Variants in ATXN7L2 observed in about 807,000 individuals in gnomAD.
ATXN7L2 encodes ataxin-7-like protein 2.
ATXN7L2 carries 17 observed loss-of-function variants against 59.6 expected under a neutral mutation model. The ratio of observed to expected loss-of-function variants is 0.29; its 90% confidence interval spans 0.20 to 0.43. The LOEUF (loss-of-function observed/expected upper bound fraction) is 0.43. ATXN7L2 is among the 20% of genes least tolerant of loss of function. The probability of loss-of-function intolerance (pLI) is 1.00; values close to 1 mark genes in which losing one functional copy is unlikely to be tolerated. For synonymous variants in ATXN7L2, 378 were observed against 392.5 expected (o/e 0.96, Z 0.44); for missense variants, 858 against 1,008.9 (o/e 0.85, Z 2.03).
chr1:109,489,834 T>C, intron 7 of ATXN7L2, 96 bp from the exon 8 acceptor site: 2 of 1,336,110 alleles, frequency 1.5e-6, no homozygotes, highest in South Asian at 1.2e-5. Context: ...GTGTCTGCCC[T>C]GGTGCCCTGC....
chr1:109,489,755 T>TAA, intron 7 of ATXN7L2, 175 bp from the exon 8 acceptor site: 1 of 685,392 alleles, frequency 1.5e-6, no homozygotes, highest in Non-Finnish European at 2.5e-6. Context: ...CTCTGTCTCT[T>TAA]ACTCTGTGAG....
rs1435415163 is a variant in ATXN7L2, at chr1:109,486,498, C to T, written c.194-8C>T. On this transcript the variant is annotated splice_polypyrimidine_tract_variant and splice_region_variant and intron_variant, in intron 2 of 10. Coordinates refer to ENST00000683729, the MANE Select transcript of ATXN7L2 (RefSeq NM_001350175.2). The surrounding 1 kb of genome is among the most constrained non-coding windows in gnomAD (Gnocchi z 4.3). ...CAGCCCCAGTGACATGGGCTTCTGT[C>T]ATTGCAGACATGTCCATCTTCGGGC... 4 of 1,607,214 alleles carry T rather than the reference C, an allele frequency of 2.5e-6. No individual in the cohort carries two copies. Among genetic ancestry groups the T allele is most frequent in the Non-Finnish European group, 3.4e-6 (4 of 1,174,430 alleles).
rs1179947547 is a variant in ATXN7L2 at position 109,488,545 on chromosome 1, C to T, written c.879+80C>T. On this transcript the variant is annotated intron_variant, in intron 6 of 10. Transcript: ENST00000683729. This position sits in a 1 kb window ranked among gnomAD's most constrained non-coding sequence, Gnocchi z 5.0. Reference sequence around the variant, plus strand: ...CTTCCCTGGGCAAAGAGAGGAATGTCGATGTTACTGAAGGTCCAGCTTAAG... The same window carrying T: ...CTTCCCTGGGCAAAGAGAGGAATGTTGATGTTACTGAAGGTCCAGCTTAAG... The T allele has an allele frequency of 9.7e-6, 14 of 1,437,810 alleles. No individual in the cohort carries two copies. Among genetic ancestry groups the T allele is most frequent in the South Asian group, 7.4e-5 (6 of 81,584 alleles). The allele number at this position is 1,437,810 out of a possible 1,614,324, so 89.1% of individuals were successfully genotyped here. A position where few individuals can be genotyped will look rare whatever the true frequency, so the allele number is the denominator to read the frequency against.
chr1:109,486,381 C>T lies in ATXN7L2; in HGVS notation c.194-125C>T. On this transcript the variant is annotated intron_variant, in intron 2 of 10. Transcript: ENST00000683729. The surrounding 1 kb of genome is among the most constrained non-coding windows in gnomAD (Gnocchi z 4.3). The stretch of plus-strand genomic sequence containing the variant: ...AACTCTGGAAGCTGGAAGCATTCAG[C>T]ATGGAGCTTGTTATATCAGCGGGGA... 1 of 969,880 alleles carries T rather than the reference C, an allele frequency of 1.0e-6. No homozygotes were observed. The highest frequency in any genetic ancestry group is 2.5e-5 in the Admixed American group (1 of 39,732). The allele number at this position is 969,880 out of a possible 1,614,324, so 60.1% of individuals were successfully genotyped here.
Position 109,486,931 on chromosome 1 carries a change from T to C in ATXN7L2, c.299-76T>C, listed in dbSNP as rs1167576806. ...AAACTCAGATTCTCTCATGTGAGTC[T>C]ATGGACATGGTTAGGTTGGGGAAGG... On this transcript the variant is annotated intron_variant, in intron 3 of 10. Coordinates refer to ENST00000683729, the MANE Select transcript of ATXN7L2 (RefSeq NM_001350175.2). This position sits in a 1 kb window ranked among gnomAD's most constrained non-coding sequence, Gnocchi z 4.3. The C allele has an allele frequency of 7.8e-7, 1 of 1,286,214 alleles. No homozygotes were observed. The highest frequency in any genetic ancestry group is 2.6e-5 in the Admixed American group (1 of 38,498). 79.7% of individuals were successfully genotyped at this position (1,286,214 alleles called of 1,614,324 possible). A position where few individuals can be genotyped will look rare whatever the true frequency, so the allele number is the denominator to read the frequency against.
chr1:109,490,989 C>T lies in ATXN7L2; in HGVS notation c.1522C>T (p.Pro508Ser), dbSNP rs752954166. Residue 508 changes from proline (P) to serine (S), a missense_variant, in exon 10 of 11, where the codon CCA becomes TCA. Physicochemically the swap from Pro to Ser is moderately conservative, Grantham distance 74 (BLOSUM62 -1). Around this residue, in one of 3 missense-constraint regions of ATXN7L2, gnomAD observed 734 missense variants for 862.3 expected, o/e 0.85. Coordinates refer to ENST00000683729, the MANE Select transcript of ATXN7L2 (RefSeq NM_001350175.2). ...VNSPLSAPLSPSSTGTCPRLP... is the reference protein window; with the variant it reads ...VNSPLSAPLSSSSTGTCPRLP... Reference sequence around the variant, plus strand: ...CTCCCCGTTATCTGCTCCCCTGAGCCCATCCTCTACAGGCACCTGCCCCCG... The same window carrying T: ...CTCCCCGTTATCTGCTCCCCTGAGCTCATCCTCTACAGGCACCTGCCCCCG... 3 of 1,612,602 alleles carry T rather than the reference C, an allele frequency of 1.9e-6. No individual in the cohort carries two copies. The African/African-American group carries it at 4.0e-5, about 22-fold the overall frequency.
Position 109,486,318 on chromosome 1 carries a change from C to A in ATXN7L2, c.194-188C>A. The A allele has an allele frequency of 3.1e-6, 3 of 983,156 alleles. No homozygotes were observed. Among genetic ancestry groups the A allele is most frequent in the South Asian group, 1.8e-5 (1 of 54,296 alleles). 60.9% of individuals were successfully genotyped at this position (983,156 alleles called of 1,614,324 possible). A position where few individuals can be genotyped will look rare whatever the true frequency, so the allele number is the denominator to read the frequency against. ...TCATAATCATAGGTGATTGCCCACT[C>A]ACCTGAAAGCGTATACCCTTTGGGA... On this transcript the variant is annotated intron_variant, in intron 2 of 10. Transcript: ENST00000683729. This position sits in a 1 kb window ranked among gnomAD's most constrained non-coding sequence, Gnocchi z 4.3.
Position 109,488,616 on chromosome 1 carries a change from C to T in ATXN7L2, c.879+151C>T, listed in dbSNP as rs2101030623. On this transcript the variant is annotated intron_variant, in intron 6 of 10. Transcript: ENST00000683729. The surrounding 1 kb of genome is among the most constrained non-coding windows in gnomAD (Gnocchi z 5.0). ...CAAGGGAAGGGGAGATGGGTATGCC[C>T]CTCCTGGGCAGAAGGTGGGAACAGT... is the stretch of plus-strand genomic sequence containing the variant. 9.5e-7 allele frequency: 1 copy of T among 1,050,198 alleles called. No individual in the cohort carries two copies. The allele number at this position is 1,050,198 out of a possible 1,614,324, so 65.1% of individuals were successfully genotyped here.
At chr1:109,485,321 C>T in intron 1 of ATXN7L2, 1 of 985,202 alleles carries the variant, frequency 1.0e-6, no homozygotes, top group Non-Finnish European at 1.2e-6. Flanking sequence ...ATGTTTTTGT[C>T]ATTAACCCAG....
chr1:109,490,305 G>A lies in ATXN7L2; in HGVS notation c.1367G>A (p.Gly456Glu). The A allele has an allele frequency of 6.2e-7, 1 of 1,613,982 alleles. No individual in the cohort carries two copies. The highest frequency in any genetic ancestry group is 8.5e-7 in the Non-Finnish European group (1 of 1,180,028). ...TTTGGGAGCCGGCTGGTGAGCCCAGGATGCTATGTGTTTAGCCGCCGGCTG... is the reference window on the plus strand; with the variant it reads ...TTTGGGAGCCGGCTGGTGAGCCCAGAATGCTATGTGTTTAGCCGCCGGCTG... ...CTFGSRLVSP[G>E]CYVFSRRLDR... Residue 456 changes from glycine (G) to glutamate (E), a missense_variant, in exon 9 of 11, where the codon GGA becomes GAA. Around this residue, in one of 3 missense-constraint regions of ATXN7L2, gnomAD observed 734 missense variants for 862.3 expected, o/e 0.85. Transcript: ENST00000683729.
rs764983084 is a variant in ATXN7L2 at position 109,486,142 on chromosome 1, A to G, written c.193+20A>G. 2 of 1,569,778 alleles carry G rather than the reference A, an allele frequency of 1.3e-6. No individual in the cohort carries two copies. The highest frequency in any genetic ancestry group is 1.7e-6 in the Non-Finnish European group (2 of 1,161,430). ...AAGAAGGTGGGAGTCGACACACATT[A>G]GGGCTGGGACCCAGGGCAGACAGGA... is the stretch of plus-strand genomic sequence containing the variant. On this transcript the variant is annotated intron_variant, in intron 2 of 10. Transcript: ENST00000683729. This position sits in a 1 kb window ranked among gnomAD's most constrained non-coding sequence, Gnocchi z 4.3.
chr1:109,489,984 T>G lies in ATXN7L2; in HGVS notation c.1188T>G (p.Asp396Glu). Residue 396 changes from aspartate to glutamate, a missense_variant, in exon 8 of 11, where the codon GAT becomes GAG. Transcript: ENST00000683729. ...ELDDEGPCGG[D>E]GDPGLFPFPM... is the part of the protein sequence containing the mutation. The stretch of plus-strand genomic sequence containing the variant: ...ATGATGAAGGCCCCTGTGGTGGTGA[T>G]GGGGACCCAGGCCTGTTCCCCTTCC... The G allele has an allele frequency of 6.2e-7, 1 of 1,613,606 alleles. No individual in the cohort carries two copies. The highest frequency in any genetic ancestry group is 8.5e-7 in the Non-Finnish European group (1 of 1,179,892).
In ATXN7L2 at chr1:109,490,082, C is replaced by A. The variant is rs866777358; in HGVS notation, c.1286C>A (p.Pro429Gln). The A allele has an allele frequency of 3.8e-6, 6 of 1,596,260 alleles. No homozygotes were observed. The African/African-American group carries it at 8.1e-5, about 21-fold the overall frequency. ...GAGGGGACATCTGACGACCTCCACC[C>A]ACCCCCTGACTGCCATTATGCAACC... The part of the protein sequence containing the change: ...EEEGTSDDLH[P>Q]PPDCHYATRP... The change falls in exon 8 of 11, where the codon CCA (proline) becomes CAA (glutamine). Residue 429 changes from proline to glutamine, a missense_variant. Around this residue, in one of 3 missense-constraint regions of ATXN7L2, gnomAD observed 734 missense variants for 862.3 expected, o/e 0.85. Transcript: ENST00000683729.
At position 109,488,587 on chromosome 1, in the gene ATXN7L2, C is replaced by T. The variant is rs1656767679; in HGVS notation, c.879+122C>T. ...CAGCTTAAGGGAGGGCAGTTAGGCCCACCCAAGGGAAGGGGAGATGGGTAT... is the reference window on the plus strand; with the variant it reads ...CAGCTTAAGGGAGGGCAGTTAGGCCTACCCAAGGGAAGGGGAGATGGGTAT... On this transcript the variant is annotated intron_variant, in intron 6 of 10. Transcript: ENST00000683729. The surrounding 1 kb of genome is among the most constrained non-coding windows in gnomAD (Gnocchi z 5.0). 1 of 1,184,974 alleles carries T rather than the reference C, an allele frequency of 8.4e-7. No individual in the cohort carries two copies. The highest frequency in any genetic ancestry group is 2.3e-5 in the Admixed American group (1 of 43,078). The allele number at this position is 1,184,974 out of a possible 1,614,324, so 73.4% of individuals were successfully genotyped here. A position where few individuals can be genotyped will look rare whatever the true frequency, so the allele number is the denominator to read the frequency against.
chr1:109,489,616 G>C (rs1656869170), intron 7 of ATXN7L2: 2 of 446,842 alleles, frequency 4.5e-6, no homozygotes, highest in Non-Finnish European at 8.0e-6. Flanking sequence ...TGACTGGGCT[G>C]ACCAGAGCTG....
In ATXN7L2 at chr1:109,486,614, AGG is replaced by A; in HGVS notation, c.298+7_298+8del. On this transcript the variant is annotated splice_donor_5th_base_variant and intron_variant, in intron 3 of 10. Transcript: ENST00000683729. The surrounding 1 kb of genome is among the most constrained non-coding windows in gnomAD (Gnocchi z 4.3). ...CAAGCTTTCCAGAAGCACTGCGGTG[AGG>A]GGAGCCCTAGGGAGGAGATAAAGGG... The A allele has an allele frequency of 6.2e-7, 1 of 1,611,650 alleles. No homozygotes were observed. The highest frequency in any genetic ancestry group is 1.1e-5 in the South Asian group (1 of 90,990).
Position 109,487,811 on chromosome 1 carries a change from A to G in ATXN7L2, c.796+7A>G. On this transcript the variant is annotated splice_region_variant and intron_variant, in intron 5 of 10. Coordinates refer to ENST00000683729, the MANE Select transcript of ATXN7L2 (RefSeq NM_001350175.2). ...ACCCACCGGAAGATGGCTCGTGAGT[A>G]GTTGTGGTCTTGGGGGTCCAGAATG... 6.3e-7 allele frequency: 1 copy of G among 1,587,208 alleles called. No individual in the cohort carries two copies. Among genetic ancestry groups the G allele is most frequent in the Non-Finnish European group, 8.6e-7 (1 of 1,167,626 alleles).
chr1:109,486,950 G>A lies in ATXN7L2; in HGVS notation c.299-57G>A, dbSNP rs1026032169. 6 of 1,433,026 alleles carry A rather than the reference G, an allele frequency of 4.2e-6. No homozygotes were observed. The African/African-American group carries it at 7.2e-5, about 17-fold the overall frequency. The allele number at this position is 1,433,026 out of a possible 1,614,324, so 88.8% of individuals were successfully genotyped here. A position where few individuals can be genotyped will look rare whatever the true frequency, so the allele number is the denominator to read the frequency against. The stretch of plus-strand genomic sequence containing the variant: ...TGAGTCTATGGACATGGTTAGGTTG[G>A]GGAAGGAAGTGGTGATACCACTCAC... On this transcript the variant is annotated intron_variant, in intron 3 of 10. Coordinates refer to ENST00000683729, the MANE Select transcript of ATXN7L2 (RefSeq NM_001350175.2). The surrounding 1 kb of genome is among the most constrained non-coding windows in gnomAD (Gnocchi z 4.3).
intron 9 of ATXN7L2, among the ~76,000 whole-genome samples, chr1:109,490,641 T>C (rs561980168): frequency 6.6e-6 from 1 of 152,296 alleles, no homozygotes; most frequent in Non-Finnish European, 1.5e-5. Context: ...TCACTTCCAG[T>C]ACCTTTTGGG....
Sources: gnomAD v4.1 joint callset for allele counts (sites outside exome capture counted in the v4.1 genomes callset) on GRCh38, gnomAD v4.1.1 for gene constraint, gnomAD v4.1.1 regional missense constraint, Gnocchi (gnomAD v3.1) non-coding constraint, MANE v1.5 for transcripts, NCBI Gene and HGNC (gene_info 2026-07-23, HGNC 2026-07-21) for gene names.